PFKFB2: variants seen among roughly 807,000 people sequenced by gnomAD.
PFKFB2 encodes 6-phosphofructo-2-kinase/fructose-2,6-bisphosphatase 2.
PFKFB2 carries 53 observed loss-of-function variants against 68.0 expected under a neutral mutation model. That is an observed-to-expected ratio of 0.78 (90% CI 0.63 to 0.98). The LOEUF (loss-of-function observed/expected upper bound fraction) is 0.98, where lower values mean the gene tolerates loss of function less well. Ranked by LOEUF, PFKFB2 falls within the 50% of genes least tolerant of loss-of-function variation. The probability of loss-of-function intolerance (pLI) is 0.00; values close to 1 mark genes in which losing one functional copy is unlikely to be tolerated. For missense variants in PFKFB2, 451 were observed against 642.0 expected (o/e 0.70, Z 3.22); for synonymous variants, 222 against 227.6 (o/e 0.98, Z 0.22).
Position 207,073,424 on chromosome 1 carries a change from G to A in PFKFB2, c.*1053G>A. ...GTTAGATTCAGGAGTCACCACTGAT[G>A]TTTGAGTTGCTCAAGGCAAGAGGCA... On this transcript the variant is annotated 3_prime_UTR_variant, in exon 15 of 15. Coordinates refer to ENST00000367080, the MANE Select transcript of PFKFB2 (RefSeq NM_006212.2). The A allele has an allele frequency of 1.0e-6, 1 of 985,438 alleles. No homozygotes were observed. The highest frequency in any genetic ancestry group is 1.2e-6 in the Non-Finnish European group (1 of 829,926). 61.0% of individuals were successfully genotyped at this position (985,438 alleles called of 1,614,324 possible). A position where few individuals can be genotyped will look rare whatever the true frequency, so the allele number is the denominator to read the frequency against.
rs768705660 is a variant in PFKFB2 at position 207,068,159 on chromosome 1, C to A, written c.841-4C>A. On this transcript the variant is annotated splice_polypyrimidine_tract_variant and splice_region_variant and intron_variant, in intron 9 of 14. Transcript: ENST00000367080. ...TACCCTTAATTTTCATTTTTAAACC[C>A]CAGTTTGCCCAAGCTCTAAGGAAAT... 4 of 1,601,626 alleles carry A rather than the reference C, an allele frequency of 2.5e-6. No homozygotes were observed. The highest frequency in any genetic ancestry group is 3.4e-6 in the Non-Finnish European group (4 of 1,175,542).
At chr1:207,051,661 C>T (rs1682754868), upstream of PFKFB2, among the ~76,000 whole-genome samples, 1 of 152,206 alleles carries the variant, frequency 6.6e-6, no homozygotes, top group South Asian at 2.1e-4. Flanking sequence ...CATCAGATTC[C>T]AGTTCAGTTC....
chr1:207,046,846 C>T (rs1362743367), intron 2 of PFKFB2: 1 of 151,894 alleles, frequency 6.6e-6, no homozygotes, highest in Non-Finnish European at 1.5e-5. Context: ...ATGACAGAAA[C>T]ATATCAAAAC....
intron 1 of PFKFB2, among the ~76,000 whole-genome samples, chr1:207,040,024 C>T (rs911131285): frequency 4.6e-5 from 7 of 152,208 alleles, no homozygotes; most frequent in African/African-American, 1.7e-4. Flanking sequence ...GCCACACTCA[C>T]TGCAGGTTGG....
chr1:207,063,181 A>C lies in PFKFB2; in HGVS notation c.347A>C (p.Tyr116Ser). The change falls in exon 5 of 15, where the codon TAT becomes TCT. Residue 116 changes from tyrosine to serine, a missense_variant. Coordinates refer to ENST00000367080, the MANE Select transcript of PFKFB2 (RefSeq NM_006212.2). The surrounding 1 kb of genome is among the most constrained non-coding windows in gnomAD (Gnocchi z 4.1). The part of the protein sequence containing the change: ...ALVALEDVKA[Y>S]LTEENGQIAV... ...GTGGCGCTGGAAGATGTTAAGGCGTATCTCACTGAGGAGAATGGTCAGATT... is the reference window on the plus strand; with the variant it reads ...GTGGCGCTGGAAGATGTTAAGGCGTCTCTCACTGAGGAGAATGGTCAGATT... The C allele has an allele frequency of 1.2e-6, 2 of 1,614,070 alleles. No individual in the cohort carries two copies. Among genetic ancestry groups the C allele is most frequent in the Non-Finnish European group, 1.7e-6 (2 of 1,179,922 alleles).
upstream of PFKFB2, chr1:207,051,034 G>A: frequency 6.7e-7 from 1 of 1,499,004 alleles, no homozygotes; most frequent in South Asian, 1.2e-5. Context: ...CAAACATCGC[G>A]AGAAGTTGCG....
chr1:207,039,733 T>C (rs1682442627), intron 1 of PFKFB2, among the ~76,000 whole-genome samples: 1 of 152,198 alleles, frequency 6.6e-6, no homozygotes, highest in Non-Finnish European at 1.5e-5. Flanking sequence ...AATGCTGGAC[T>C]GGGTAATTCA....
At position 207,076,382 on chromosome 1, in the gene PFKFB2, C is replaced by T. The variant is rs769925254; in HGVS notation, c.*4011C>T. 38 of 984,810 alleles carry T rather than the reference C, an allele frequency of 3.9e-5. No homozygotes were observed. Among genetic ancestry groups the T allele is most frequent in the South Asian group, 4.7e-5 (1 of 21,284 alleles). The allele number at this position is 984,810 out of a possible 1,614,324, so 61.0% of individuals were successfully genotyped here. On this transcript the variant is annotated 3_prime_UTR_variant, in exon 15 of 15. Transcript: ENST00000367080. ...TGTATCTGGGTTATGTAATCTTATG[C>T]ACATTCCATTGTCTTTGCCAAGCCC... is the stretch of plus-strand genomic sequence containing the variant.
chr1:207,072,467 C>G lies in PFKFB2; in HGVS notation c.*96C>G. The G allele has an allele frequency of 6.6e-7, 1 of 1,511,006 alleles. No individual in the cohort carries two copies. The highest frequency in any genetic ancestry group is 8.8e-7 in the Non-Finnish European group (1 of 1,132,632). The allele number at this position is 1,511,006 out of a possible 1,614,324, so 93.6% of individuals were successfully genotyped here. On this transcript the variant is annotated 3_prime_UTR_variant, in exon 15 of 15. Transcript: ENST00000367080. ...TCACTAATCACCAAGGAGTCATTAACTTCCTCCCTCTATGCCCACCCCTGA... is the reference window on the plus strand; with the variant it reads ...TCACTAATCACCAAGGAGTCATTAAGTTCCTCCCTCTATGCCCACCCCTGA...
chr1:207,049,511 T>C (rs751648828), upstream of PFKFB2: 2 of 1,614,228 alleles, frequency 1.2e-6, no homozygotes, highest in Non-Finnish European at 1.7e-6. Flanking sequence ...ATTTGTGCTA[T>C]GAGGCGTCTC....
At chr1:207,079,037 C>T, downstream of PFKFB2, 3 of 1,598,802 alleles carry the variant, frequency 1.9e-6, no homozygotes, top group Non-Finnish European at 2.6e-6. Flanking sequence ...GATGTTCAGG[C>T]CTCACCTCTC....
Position 207,063,529 on chromosome 1 carries a change from A to C in PFKFB2, c.450+108A>C. On this transcript the variant is annotated intron_variant, in intron 6 of 14. Coordinates refer to ENST00000367080, the MANE Select transcript of PFKFB2 (RefSeq NM_006212.2). The surrounding 1 kb of genome is among the most constrained non-coding windows in gnomAD (Gnocchi z 4.1). ...GGGTGAGGACAGGATGGGATATCTG[A>C]ATCTCTTCTCTCAGAGCATTCCCCC... 2 of 803,782 alleles carry C rather than the reference A, an allele frequency of 2.5e-6. No homozygotes were observed. The highest frequency in any genetic ancestry group is 4.3e-6 in the Non-Finnish European group (2 of 464,894). 49.8% of individuals were successfully genotyped at this position (803,782 alleles called of 1,614,324 possible).
chr1:207,039,328 A>T (rs1682437138), intron 1 of PFKFB2, among the ~76,000 whole-genome samples: 1 of 152,240 alleles, frequency 6.6e-6, no homozygotes, highest in African/African-American at 2.4e-5. Context: ...AAAGTTTGGA[A>T]TTCCAGTAAC....
At chr1:207,050,949 C>T (rs200758571), upstream of PFKFB2, 4 of 1,572,742 alleles carry the variant, frequency 2.5e-6, no homozygotes, top group East Asian at 2.4e-5. Flanking sequence ...GCTTTGGTCC[C>T]GGCAGCCTGT....
At chr1:207,034,683 ACTTTTT>A (rs749018933) in intron 1 of PFKFB2, among the ~76,000 whole-genome samples, 9 of 152,076 alleles carry the variant, frequency 5.9e-5, no homozygotes, top group South Asian at 2.1e-4. Context: ...CCTCTCAAAA[ACTTTTT>A]CTTTTTGTAA....
downstream of PFKFB2, chr1:207,078,809 A>G (rs1683694682): frequency 1.4e-6 from 1 of 691,982 alleles, no homozygotes. Flanking sequence ...GTGTAGGCAC[A>G]CCAGTGTGTT....
intron 7 of PFKFB2, 121 bp from the exon 8 acceptor site, chr1:207,064,915 A>G (rs1188422144): frequency 1.6e-5 from 18 of 1,155,626 alleles, no homozygotes; most frequent in African/African-American, 3.1e-5. Context: ...TGGAGTGCCA[A>G]TGTTCCAGTG....
chr1:207,078,931 G>T, downstream of PFKFB2: 1 of 1,605,554 alleles, frequency 6.2e-7, no homozygotes, highest in Non-Finnish European at 8.5e-7. Flanking sequence ...ATAGCTTTGT[G>T]TCTCTTCCTC....
intron 2 of PFKFB2, among the ~76,000 whole-genome samples, chr1:207,061,225 A>T (rs1205333699): frequency 8.0e-6 from 1 of 125,394 alleles, no homozygotes; most frequent in Non-Finnish European, 1.7e-5. Flanking sequence ...GGGTCTCTCT[A>T]TGTTGCCCAG....
Sources: gnomAD v4.1 joint callset for allele counts (sites outside exome capture counted in the v4.1 genomes callset) on GRCh38, gnomAD v4.1.1 for gene constraint, Gnocchi (gnomAD v3.1) non-coding constraint, MANE v1.5 for transcripts, NCBI Gene and HGNC (gene_info 2026-07-23, HGNC 2026-07-21) for gene names.